Variants in PHACTR1 observed in about 807,000 individuals in gnomAD.
PHACTR1 encodes RPEL repeat containing 1.
Under a neutral mutation model 69.2 loss-of-function variants are expected in PHACTR1, and 16 were observed. The ratio of observed to expected loss-of-function variants is 0.23; its 90% CI spans 0.16 to 0.35. The LOEUF (loss-of-function observed/expected upper bound fraction) is 0.35. Ranked by LOEUF, PHACTR1 falls within the 10% of genes least tolerant of loss-of-function variation. The pLI is 1.00. For missense variants in PHACTR1, 510 were observed against 734.7 expected (o/e 0.69, Z 3.54); for synonymous variants, 312 against 284.5 (o/e 1.10, Z -0.97).
At chr6:12,737,235 T>C (rs1764381168) in intron 3 of PHACTR1, among the ~76,000 whole-genome samples, 1 of 152,138 alleles carries the variant, frequency 6.6e-6, no homozygotes, top group South Asian at 2.1e-4. Flanking sequence ...ATTGAATAGC[T>C]TAGACAACTG....
intron 5 of PHACTR1, among the ~76,000 whole-genome samples, chr6:13,071,915 A>G (rs1435542554): frequency 6.6e-6 from 1 of 152,178 alleles, no homozygotes; most frequent in Non-Finnish European, 1.5e-5. Flanking sequence ...ATATTTCCAG[A>G]TGTTTCTAAG....
chr6:12,999,032 A>C (rs1797771204), intron 4 of PHACTR1, among the ~76,000 whole-genome samples: 1 of 152,228 alleles, frequency 6.6e-6, no homozygotes, highest in African/African-American at 2.4e-5. Context: ...TCACTTTAAG[A>C]GCTATCTGTC....
chr6:12,735,945 C>G (rs2127578356), intron 3 of PHACTR1, among the ~76,000 whole-genome samples: 1 of 152,308 alleles, frequency 6.6e-6, no homozygotes, highest in South Asian at 2.1e-4. Flanking sequence ...CCTCCTCTCC[C>G]TGTGTAGCCC....
intron 10 of PHACTR1, among the ~76,000 whole-genome samples, chr6:13,265,924 A>G (rs1456937130): frequency 6.6e-6 from 1 of 152,046 alleles, no homozygotes; most frequent in Non-Finnish European, 1.5e-5. Flanking sequence ...AATATTGTCT[A>G]TATTGCAGAC....
intron 3 of PHACTR1, among the ~76,000 whole-genome samples, chr6:12,730,807 T>C (rs1763409048): frequency 6.6e-6 from 1 of 152,078 alleles, no homozygotes; most frequent in Non-Finnish European, 1.5e-5. Context: ...TATGTGCCCA[T>C]GTGTTCTCAT....
chr6:12,937,273 C>A, intron 4 of PHACTR1, among the ~76,000 whole-genome samples: 1 of 152,180 alleles, frequency 6.6e-6, no homozygotes, highest in East Asian at 1.9e-4. Context: ...GCCACAACCA[C>A]ACTGCCACCA....
intron 10 of PHACTR1, among the ~76,000 whole-genome samples, chr6:13,236,622 G>C: frequency 6.6e-6 from 1 of 152,020 alleles, no homozygotes; most frequent in East Asian, 1.9e-4. Context: ...GTGTATCTCT[G>C]TGTTCAGATT....
intron 4 of PHACTR1, among the ~76,000 whole-genome samples, chr6:12,880,555 C>G (rs537589003): frequency 6.6e-6 from 1 of 152,188 alleles, no homozygotes; most frequent in East Asian, 1.9e-4. Context: ...TGCACCTGGC[C>G]TAGAATTCAT....
intron 5 of PHACTR1, among the ~76,000 whole-genome samples, chr6:13,065,488 G>A (rs1353190069): frequency 6.6e-6 from 1 of 152,032 alleles, no homozygotes; most frequent in Non-Finnish European, 1.5e-5. Flanking sequence ...GGTGTCCTTT[G>A]GGATTATGAC....
At chr6:13,083,579 A>G (rs1811769328) in intron 5 of PHACTR1, among the ~76,000 whole-genome samples, 1 of 152,044 alleles carries the variant, frequency 6.6e-6, no homozygotes, top group Non-Finnish European at 1.5e-5. Flanking sequence ...ACCCATGAGC[A>G]TGGAATGTTC....
chr6:12,883,220 T>C (rs1783278200), intron 4 of PHACTR1, among the ~76,000 whole-genome samples: 1 of 152,082 alleles, frequency 6.6e-6, no homozygotes, highest in Non-Finnish European at 1.5e-5. Flanking sequence ...CTTTTTTTGT[T>C]TGTTTGTTTT....
Position 12,828,756 on chromosome 6 carries a change from G to A in PHACTR1, c.250+78966G>A, listed in dbSNP as rs187860265. On this transcript the variant is annotated intron_variant, in intron 4 of 14. Coordinates refer to ENST00000332995, the MANE Select transcript of PHACTR1 (RefSeq NM_030948.6). The stretch of plus-strand genomic sequence containing the variant: ...TATTTTTGGGGAAAAATAATGCTTC[G>A]TTGTAAAAAAAAACACAAGCTCTTT... Among the ~76,000 whole-genome samples, 293 of 143,756 alleles carry A rather than the reference G, an allele frequency of 2.0e-3. 1 individual carries two copies. The highest frequency in any genetic ancestry group is 7.6e-3 in the African/African-American group (282 of 37,332). The allele number at this position is 143,756 out of a possible 152,430, so 94.3% of individuals were successfully genotyped here. A position where few individuals can be genotyped will look rare whatever the true frequency, so the allele number is the denominator to read the frequency against.
intron 5 of PHACTR1, among the ~76,000 whole-genome samples, chr6:13,150,915 C>T (rs946523958): frequency 1.8e-4 from 27 of 152,114 alleles, no homozygotes; most frequent in African/African-American, 6.3e-4. Flanking sequence ...CACACTAATA[C>T]GTGGGTTGAT....
chr6:13,247,325 T>C (rs1336043061), intron 10 of PHACTR1, among the ~76,000 whole-genome samples: 1 of 105,012 alleles, frequency 9.5e-6, no homozygotes, highest in East Asian at 2.5e-4. Flanking sequence ...TCAAGTTCCC[T>C]CGTGTGTGTG....
intron 4 of PHACTR1, among the ~76,000 whole-genome samples, chr6:13,015,258 A>G (rs1800013280): frequency 6.6e-6 from 1 of 152,172 alleles, no homozygotes; most frequent in Non-Finnish European, 1.5e-5. Flanking sequence ...TGCTAGCGTC[A>G]TTATCGTTTT....
At chr6:12,790,543 T>C (rs1318879640) in intron 4 of PHACTR1, among the ~76,000 whole-genome samples, 2 of 152,332 alleles carry the variant, frequency 1.3e-5, no homozygotes, top group East Asian at 3.9e-4. Context: ...ATCTCCCTAA[T>C]AAAATGTAAG....
chr6:12,869,658 C>T (rs1021184538), intron 4 of PHACTR1, among the ~76,000 whole-genome samples: 12 of 152,308 alleles, frequency 7.9e-5, no homozygotes, highest in African/African-American at 2.4e-4. Context: ...TTGTTAATCA[C>T]GTTCACTCTG....
intron 4 of PHACTR1, among the ~76,000 whole-genome samples, chr6:12,808,784 CCTTCTCCTCCTTCTT>C (rs746274637): frequency 4.1e-4 from 61 of 150,362 alleles, no homozygotes; most frequent in Admixed American, 1.1e-3. Flanking sequence ...TTCTCCTTCT[CCTTCTCCTCCTTCTT>C]CTCCTTCTTC....
rs4053019 is a variant in PHACTR1, at chr6:13,179,405, C to CGTGTGTGTGTGTGTGTGTGTGT, written c.497-3095_497-3074dup. On this transcript the variant is annotated intron_variant, in intron 6 of 14. Coordinates refer to ENST00000332995, the MANE Select transcript of PHACTR1 (RefSeq NM_030948.6). This position sits in a 1 kb window ranked among gnomAD's most constrained non-coding sequence, Gnocchi z 4.2. ...TATACAGCCCATTACATTAATGTTTCGTGTGTGTGTGTGTGTGTGTGTGTG... is the reference window on the plus strand; with the variant it reads ...TATACAGCCCATTACATTAATGTTTCGTGTGTGTGTGTGTGTGTGTGTGTGTGTGTGTGTGTGTGTGTGTGTG... Among the ~76,000 whole-genome samples the CGTGTGTGTGTGTGTGTGTGTGT allele has an allele frequency of 2.1e-5, 3 of 141,956 alleles. No individual in the cohort carries two copies. Among genetic ancestry groups the CGTGTGTGTGTGTGTGTGTGTGT allele is most frequent in the Admixed American group, 7.2e-5 (1 of 13,982 alleles). 93.1% of individuals were successfully genotyped at this position (141,956 alleles called of 152,430 possible).
Sources: gnomAD v4.1 joint callset for allele counts (sites outside exome capture counted in the v4.1 genomes callset) on GRCh38, gnomAD v4.1.1 for gene constraint, Gnocchi (gnomAD v3.1) non-coding constraint, MANE v1.5 for transcripts, NCBI Gene and HGNC (gene_info 2026-07-23, HGNC 2026-07-21) for gene names.